The following DCX variants were observed in gnomAD, a reference collection of about 807,000 sequenced individuals.
DCX encodes the protein doublecortin.
In DCX, 4 loss-of-function variants were observed where a neutral mutation model predicts 20.9. The ratio of observed to expected loss-of-function variants is 0.19; its 90% CI spans 0.09 to 0.44. The LOEUF (loss-of-function observed/expected upper bound fraction) is 0.44, where lower values mean the gene tolerates loss of function less well. Ranked by LOEUF, DCX falls within the 20% of genes least tolerant of loss-of-function variation. The pLI is 0.99. For synonymous variants in DCX, 103 were observed against 111.4 expected, an observed-to-expected ratio of 0.92 and a Z score of 0.47; for missense variants, 133 against 296.9, an observed-to-expected ratio of 0.45 and a Z score of 4.06.
intron 3 of DCX, among the ~76,000 whole-genome samples, chrX:111,345,121 G>A (rs1201843755): frequency 9.0e-6 from 1 of 111,619 alleles, no homozygotes; most frequent in Non-Finnish European, 1.9e-5. Context: ...CGACAAACCT[G>A]ACAAAAACAA....
rs764972333 is a variant in DCX at position 111,356,951 on chromosome X, A to C, written c.706-23798T>G. Reference sequence around the variant, plus strand: ...TACACATAAATAAAAAGCTGATAACAAAAGAAAGTTTTTAAAAGCCAGAAC... The same window carrying C: ...TACACATAAATAAAAAGCTGATAACCAAAGAAAGTTTTTAAAAGCCAGAAC... On this transcript the variant is annotated intron_variant, in intron 3 of 6. Transcript: ENST00000636035. Among the ~76,000 whole-genome samples, 86 of 112,240 alleles carry C rather than the reference A, an allele frequency of 7.7e-4. 1 individual carries two copies. The highest frequency in any genetic ancestry group is 2.5e-3 in the African/African-American group (77 of 30,987).
Position 111,297,339 on chromosome X carries a change from T to C in DCX, c.*4348A>G, listed in dbSNP as rs1469669816. 1 of 111,726 alleles carries C rather than the reference T, an allele frequency of 9.0e-6. No homozygotes were observed. Among genetic ancestry groups the C allele is most frequent in the East Asian group, 2.8e-4 (1 of 3,567 alleles). The allele number at this position is 111,726 out of a possible 1,213,427, so 9.2% of individuals were successfully genotyped here. A position where few individuals can be genotyped will look rare whatever the true frequency, so the allele number is the denominator to read the frequency against. On this transcript the variant is annotated 3_prime_UTR_variant, in exon 7 of 7. Coordinates refer to ENST00000636035, the MANE Select transcript of DCX (RefSeq NM_001195553.2). Reference sequence around the variant, plus strand: ...AGTGTCCTGGAGCTCATTTTGGGGATATAGGCATCCTGTTCTCTTGTCCTA... The same window carrying C: ...AGTGTCCTGGAGCTCATTTTGGGGACATAGGCATCCTGTTCTCTTGTCCTA...
At chrX:111,364,889 T>C (rs1312448165) in intron 3 of DCX, among the ~76,000 whole-genome samples, 1 of 109,229 alleles carries the variant, frequency 9.2e-6, no homozygotes. Flanking sequence ...TTTTGTTTTG[T>C]TTTGTTTTGT....
At chrX:111,330,358 A>G (rs1172470218) in intron 5 of DCX, among the ~76,000 whole-genome samples, 1 of 112,239 alleles carries the variant, frequency 8.9e-6, no homozygotes, top group Non-Finnish European at 1.9e-5. Context: ...GTTTTCTTTT[A>G]GAACCTGGTC....
intron 3 of DCX, among the ~76,000 whole-genome samples, chrX:111,361,486 C>T (rs1291117909): frequency 8.9e-6 from 1 of 111,955 alleles, no homozygotes; most frequent in Non-Finnish European, 1.9e-5. Context: ...TTCATTTACT[C>T]TCACTTCGAA....
chrX:111,398,702 G>A (rs181410723), intron 3 of DCX, among the ~76,000 whole-genome samples: 4 of 112,485 alleles, frequency 3.6e-5, no homozygotes, highest in Admixed American at 2.8e-4. Context: ...ACTGGAGCTT[G>A]CTTCCCTAGG....
At chrX:111,400,403 C>T (rs1217471311) in intron 3 of DCX, among the ~76,000 whole-genome samples, 1 of 111,919 alleles carries the variant, frequency 8.9e-6, no homozygotes, top group Non-Finnish European at 1.9e-5. Context: ...TAGTCCCTTT[C>T]TCACACAAAC....
chrX:111,299,826 T>G lies in DCX; in HGVS notation c.*1861A>C, dbSNP rs1428803813. ...TCACTTTTCCTGAACCGAAAATGTT[T>G]CTGGTAGCTACAGACATCTGAAGCT... On this transcript the variant is annotated 3_prime_UTR_variant, in exon 7 of 7. Transcript: ENST00000636035. 8.9e-6 allele frequency: 1 copy of G among 111,757 alleles called. No homozygotes were observed. Among genetic ancestry groups the G allele is most frequent in the African/African-American group, 3.3e-5 (1 of 30,710 alleles). The allele number at this position is 111,757 out of a possible 1,213,427, so 9.2% of individuals were successfully genotyped here. A position where few individuals can be genotyped will look rare whatever the true frequency, so the allele number is the denominator to read the frequency against.
intron 5 of DCX, among the ~76,000 whole-genome samples, chrX:111,320,078 T>C (rs777819984): frequency 8.9e-6 from 1 of 112,618 alleles, no homozygotes; most frequent in Non-Finnish European, 1.9e-5. Context: ...CACTTCACTG[T>C]TGTAAAAATG....
intron 3 of DCX, among the ~76,000 whole-genome samples, chrX:111,383,291 T>C (rs991146295): frequency 8.9e-6 from 1 of 112,007 alleles, no homozygotes; most frequent in African/African-American, 3.2e-5. Context: ...GTGCAAGATG[T>C]TTATGTTTCT....
intron 3 of DCX, among the ~76,000 whole-genome samples, chrX:111,392,234 G>T (rs761004101): frequency 4.5e-5 from 5 of 111,294 alleles, no homozygotes; most frequent in Non-Finnish European, 9.4e-5. Context: ...TTAGAAACAT[G>T]AGTTTGGTGG....
intron 5 of DCX, among the ~76,000 whole-genome samples, chrX:111,313,585 T>C (rs949993769): frequency 5.3e-5 from 6 of 112,262 alleles, no homozygotes; most frequent in Non-Finnish European, 9.4e-5. Flanking sequence ...CATTTGGCTC[T>C]AGCCAAGAAA....
At chrX:111,344,378 G>T (rs1181500090) in intron 3 of DCX, among the ~76,000 whole-genome samples, 2 of 111,761 alleles carry the variant, frequency 1.8e-5, no homozygotes, top group Admixed American at 1.9e-4. Flanking sequence ...AGTATTAGAA[G>T]TTCTGGCCAG....
intron 3 of DCX, among the ~76,000 whole-genome samples, chrX:111,335,700 C>T (rs1353516925): frequency 8.9e-6 from 1 of 112,296 alleles, no homozygotes; most frequent in Admixed American, 9.4e-5. Flanking sequence ...GTAATCCCAG[C>T]ACTTTGGGAG....
At chrX:111,305,574 C>T (rs1275294027) in intron 6 of DCX, among the ~76,000 whole-genome samples, 7 of 109,031 alleles carry the variant, frequency 6.4e-5, no homozygotes, top group South Asian at 7.8e-4. Context: ...TTTCTATCCC[C>T]GGCTTCTGGT....
At chrX:111,387,370 G>A (rs765803295) in intron 3 of DCX, among the ~76,000 whole-genome samples, 1 of 112,166 alleles carries the variant, frequency 8.9e-6, no homozygotes, top group South Asian at 3.7e-4. Context: ...AGGCAAAAGT[G>A]CCTAGGGCCC....
Position 111,295,832 on chromosome X carries a change from G to C in DCX, c.*5855C>G, listed in dbSNP as rs1217607020. ...TACATGAGCTATAAGGAAACTGCTT[G>C]TAAAGATCTGCTGAGGGGGATTACG... On this transcript the variant is annotated 3_prime_UTR_variant, in exon 7 of 7. Transcript: ENST00000636035. The C allele has an allele frequency of 1.8e-5, 2 of 112,033 alleles. No homozygotes were observed. Among genetic ancestry groups the C allele is most frequent in the African/African-American group, 6.5e-5 (2 of 30,749 alleles). The allele number at this position is 112,033 out of a possible 1,213,427, so 9.2% of individuals were successfully genotyped here. A position where few individuals can be genotyped will look rare whatever the true frequency, so the allele number is the denominator to read the frequency against.
chrX:111,389,410 T>TA (rs1926766971), intron 3 of DCX, among the ~76,000 whole-genome samples: 1 of 111,316 alleles, frequency 9.0e-6, no homozygotes, highest in South Asian at 3.8e-4. Flanking sequence ...CTCATCTACT[T>TA]ACCTGATTTT....
rs185211419 is a variant in DCX at position 111,314,884 on chromosome X, G to A, written c.947-2148C>T. ...AACACACTTCAAAATGTTAAGGGTC[G>A]CAAAAATTTTTTCCCATGTTGTAGG... is the stretch of plus-strand genomic sequence containing the variant. On this transcript the variant is annotated intron_variant, in intron 5 of 6. Transcript: ENST00000636035. Among the ~76,000 whole-genome samples, 21 of 106,950 alleles carry A rather than the reference G, an allele frequency of 2.0e-4. 1 individual carries two copies. The East Asian group carries it at 2.8e-3, about 14-fold the overall frequency. The allele number at this position is 106,950 out of a possible 115,157, so 92.9% of individuals were successfully genotyped here. A position where few individuals can be genotyped will look rare whatever the true frequency, so the allele number is the denominator to read the frequency against.
Sources: gnomAD v4.1 joint callset for allele counts (sites outside exome capture counted in the v4.1 genomes callset) on GRCh38, gnomAD v4.1.1 for gene constraint, MANE v1.5 for transcripts, NCBI Gene and HGNC (gene_info 2026-07-23, HGNC 2026-07-21) for gene names.